Variants in CCDC171 observed in about 807,000 individuals in gnomAD.
CCDC171 encodes the protein coiled-coil domain containing 171.
A neutral mutation model predicts 168.2 loss-of-function variants in CCDC171; 177 were observed. The ratio of observed to expected loss-of-function variants is 1.05; its 90% CI spans 0.93 to 1.19. The LOEUF is 1.19. CCDC171 is among the 50% of genes most tolerant of loss of function. The probability of loss-of-function intolerance (pLI) is 0.00; values close to 1 mark genes in which losing one functional copy is unlikely to be tolerated. For synonymous variants in CCDC171, 687 were observed against 540.8 expected, an observed-to-expected ratio of 1.27 and a Z score of -3.75; for missense variants, 1,991 against 1,539.0, an observed-to-expected ratio of 1.29 and a Z score of -4.91.
chr9:16,063,649 C>G (rs922180892), downstream of CCDC171, among the ~76,000 whole-genome samples: 5 of 151,968 alleles, frequency 3.3e-5, no homozygotes, highest in Non-Finnish European at 5.9e-5. Flanking sequence ...TTGACTGTTT[C>G]TATAAGAAGT....
At chr9:16,082,863 T>G in the CCDC171 span, among the ~76,000 whole-genome samples, 1 of 152,216 alleles carries the variant, frequency 6.6e-6, no homozygotes, top group African/African-American at 2.4e-5. Context: ...AAGCTGTGCT[T>G]TAGCAAGTAA....
chr9:15,957,030 T>TG (rs994376471), intron 25 of CCDC171, among the ~76,000 whole-genome samples: 1 of 109,778 alleles, frequency 9.1e-6, no homozygotes, highest in Non-Finnish European at 1.9e-5. Flanking sequence ...TCTAGAAGTC[T>TG]GTTTTTTTTT....
At chr9:16,003,653 T>C (rs1832617637) in intron 3 of CCDC171, among the ~76,000 whole-genome samples, 3 of 152,346 alleles carry the variant, frequency 2.0e-5, no homozygotes, top group South Asian at 4.1e-4. Context: ...TTGGGCTTTT[T>C]CCGTGTCATT....
At chr9:15,635,165 A>G (rs1187647635) in intron 7 of CCDC171, among the ~76,000 whole-genome samples, 1 of 152,188 alleles carries the variant, frequency 6.6e-6, no homozygotes, top group Non-Finnish European at 1.5e-5. Context: ...TTGAAGTTCC[A>G]CAATAGGCCA....
At chr9:15,840,918 A>C (rs1368991371) in intron 21 of CCDC171, among the ~76,000 whole-genome samples, 1 of 152,220 alleles carries the variant, frequency 6.6e-6, no homozygotes, top group East Asian at 1.9e-4. Flanking sequence ...GAATACTCTT[A>C]TGAAGTTCCT....
chr9:15,656,417 T>A (rs141648298), intron 7 of CCDC171, among the ~76,000 whole-genome samples: 302 of 152,340 alleles, frequency 2.0e-3, no homozygotes, highest in African/African-American at 7.0e-3. Flanking sequence ...TGTGTGTCTC[T>A]ACAAAGTCTT....
At chr9:15,629,048 G>A (rs905904445) in intron 7 of CCDC171, among the ~76,000 whole-genome samples, 2 of 151,790 alleles carry the variant, frequency 1.3e-5, no homozygotes, top group African/African-American at 4.8e-5. Flanking sequence ...CATCATCAAA[G>A]ACCAAAAGTA....
chr9:15,698,723 CTTTT>C (rs1429010257), intron 11 of CCDC171, among the ~76,000 whole-genome samples: 1 of 151,868 alleles, frequency 6.6e-6, no homozygotes, highest in East Asian at 1.9e-4. Flanking sequence ...TATACTCTTT[CTTTT>C]ATTTTTTTAG....
chr9:15,835,042 C>G (rs919096889), intron 21 of CCDC171, among the ~76,000 whole-genome samples: 1 of 152,132 alleles, frequency 6.6e-6, no homozygotes, highest in Admixed American at 6.5e-5. Flanking sequence ...TTTGGGGTTT[C>G]TAAGCTGTGT....
chr9:15,631,212 A>C (rs1305964111), intron 7 of CCDC171, among the ~76,000 whole-genome samples: 1 of 152,102 alleles, frequency 6.6e-6, no homozygotes, highest in Non-Finnish European at 1.5e-5. Flanking sequence ...AAAACCCTTC[A>C]AAAAATTAAT....
chr9:15,659,183 C>A (rs868377031), intron 8 of CCDC171, among the ~76,000 whole-genome samples: 1 of 152,148 alleles, frequency 6.6e-6, no homozygotes, highest in East Asian at 1.9e-4. Context: ...TCTTGACATC[C>A]TGCTTTTTGT....
At chr9:16,069,830 A>T in the CCDC171 span, among the ~76,000 whole-genome samples, 1 of 152,206 alleles carries the variant, frequency 6.6e-6, no homozygotes, top group Non-Finnish European at 1.5e-5. Context: ...ACATGCTTCA[A>T]AACATCACAC....
chr9:16,079,606 C>T, the CCDC171 span, among the ~76,000 whole-genome samples: 1 of 152,208 alleles, frequency 6.6e-6, no homozygotes, highest in African/African-American at 2.4e-5. Flanking sequence ...GGAGAGAGGC[C>T]TGGAGCCGAT....
At chr9:15,748,833 T>C (rs1319629066) in intron 18 of CCDC171, among the ~76,000 whole-genome samples, 1 of 152,008 alleles carries the variant, frequency 6.6e-6, no homozygotes, top group African/African-American at 2.4e-5. Flanking sequence ...GCACTAAACA[T>C]GGAAAGGAAC....
intron 24 of CCDC171, among the ~76,000 whole-genome samples, chr9:15,876,663 C>G (rs1817882446): frequency 1.3e-5 from 2 of 152,002 alleles, no homozygotes; most frequent in Non-Finnish European, 2.9e-5. Flanking sequence ...AATTATGCAT[C>G]TATGTATGAT....
chr9:15,814,602 C>T (rs1178363650), intron 21 of CCDC171, among the ~76,000 whole-genome samples: 1 of 146,446 alleles, frequency 6.8e-6, no homozygotes, highest in Admixed American at 6.8e-5. Context: ...TAAAGTTTTT[C>T]TTTTTTTTCT....
At chr9:15,875,842 G>A (rs1345609106) in intron 24 of CCDC171, 2 of 151,828 alleles carry the variant, frequency 1.3e-5, no homozygotes, top group Admixed American at 1.3e-4. Flanking sequence ...ATAAAAGTAA[G>A]CATAAAATAT....
chr9:16,068,278 C>T, the CCDC171 span, among the ~76,000 whole-genome samples: 1 of 151,580 alleles, frequency 6.6e-6, no homozygotes, highest in Non-Finnish European at 1.5e-5. Flanking sequence ...TCAAGGAGAA[C>T]TACAAACCAC....
intron 2 of CCDC171, among the ~76,000 whole-genome samples, chr9:15,570,565 G>A (rs965660393): frequency 6.6e-6 from 1 of 152,152 alleles, no homozygotes; most frequent in Non-Finnish European, 1.5e-5. Flanking sequence ...AAGATGACTG[G>A]AAGCTCAGTG....
Sources: allele counts gnomAD v4.1 joint callset (sites outside exome capture counted in the v4.1 genomes callset), GRCh38; gene constraint gnomAD v4.1.1; transcripts MANE v1.5; gene names NCBI Gene and HGNC (gene_info 2026-07-23, HGNC 2026-07-21).